TCF7L1: variants seen among roughly 807,000 people sequenced by gnomAD.
TCF7L1 encodes the protein transcription factor 7 like 1.
A neutral mutation model predicts 63.7 loss-of-function variants in TCF7L1; 18 were observed. That is an observed-to-expected ratio of 0.28 (90% CI 0.20 to 0.42). TCF7L1 has a LOEUF of 0.42. TCF7L1 is among the 10% of genes least tolerant of loss of function. The pLI is 1.00. For synonymous variants in TCF7L1, 355 were observed against 340.9 expected (o/e 1.04, Z -0.46); for missense variants, 654 against 779.3 (o/e 0.84, Z 1.91).
intron 3 of TCF7L1, among the ~76,000 whole-genome samples, chr2:85,188,383 G>A (rs897240664): frequency 3.9e-5 from 6 of 152,152 alleles, no homozygotes; most frequent in East Asian, 1.9e-4. Flanking sequence ...CGTTAACATC[G>A]GGGGAGGCTA....
intron 4 of TCF7L1, among the ~76,000 whole-genome samples, chr2:85,291,083 A>C (rs1362161036): frequency 6.6e-6 from 1 of 152,118 alleles, no homozygotes; most frequent in Non-Finnish European, 1.5e-5. Flanking sequence ...TTTAATCCAA[A>C]AGGGCAGTAT....
At chr2:85,279,148 A>G (rs768437256) in intron 3 of TCF7L1, among the ~76,000 whole-genome samples, 15 of 152,194 alleles carry the variant, frequency 9.9e-5, no homozygotes, top group Non-Finnish European at 1.6e-4. Flanking sequence ...CTGCCCACAT[A>G]CCATTACCAT....
At chr2:85,277,654 C>G (rs930128138) in intron 3 of TCF7L1, among the ~76,000 whole-genome samples, 3 of 152,206 alleles carry the variant, frequency 2.0e-5, no homozygotes, top group Admixed American at 6.5e-5. Flanking sequence ...GGGGCGCTTT[C>G]TCTGCCTACT....
intron 3 of TCF7L1, among the ~76,000 whole-genome samples, chr2:85,257,167 T>C (rs904990573): frequency 3.9e-5 from 6 of 152,098 alleles, no homozygotes; most frequent in Non-Finnish European, 1.5e-5. Context: ...TGAGCTCTGA[T>C]TGAGCCATTG....
intron 3 of TCF7L1, among the ~76,000 whole-genome samples, chr2:85,216,595 G>A (rs1371115159): frequency 6.6e-6 from 1 of 152,058 alleles, no homozygotes; most frequent in African/African-American, 2.4e-5. Context: ...GCTTCTAGAA[G>A]GCGTATGTTG....
At chr2:85,283,010 C>T (rs547788057) in intron 3 of TCF7L1, among the ~76,000 whole-genome samples, 61 of 152,180 alleles carry the variant, frequency 4.0e-4, no homozygotes, top group South Asian at 8.3e-4. Flanking sequence ...GGCTTTTATT[C>T]ATTCATTCCC....
chr2:85,299,059 T>C (rs1409166368), intron 4 of TCF7L1, among the ~76,000 whole-genome samples: 1 of 144,670 alleles, frequency 6.9e-6, no homozygotes, highest in Admixed American at 6.9e-5. Flanking sequence ...GCAAAAGTAA[T>C]TGTGGTTTTG....
chr2:85,151,493 T>C (rs1223189439), intron 3 of TCF7L1, among the ~76,000 whole-genome samples: 1 of 152,222 alleles, frequency 6.6e-6, no homozygotes, highest in East Asian at 1.9e-4. Context: ...TATCTCTCTG[T>C]GATGTCAGCA....
chr2:85,306,990 A>G lies in TCF7L1; in HGVS notation c.1257+431A>G, dbSNP rs1000912541. On this transcript the variant is annotated intron_variant, in intron 10 of 11. Coordinates refer to ENST00000282111, the MANE Select transcript of TCF7L1 (RefSeq NM_031283.3). The surrounding 1 kb of genome is among the most constrained non-coding windows in gnomAD (Gnocchi z 4.3). ...GCGACTGCATTTATAGAGGACTCTTAAGATCAGGGAGAAGCCCATACTTCT... is the reference window on the plus strand; with the variant it reads ...GCGACTGCATTTATAGAGGACTCTTGAGATCAGGGAGAAGCCCATACTTCT... 6.6e-6 allele frequency among the ~76,000 whole-genome samples: 1 copy of G among 152,190 alleles called. No homozygotes were observed. The highest frequency in any genetic ancestry group is 1.9e-4 in the East Asian group (1 of 5,192).
rs550996786 is a variant in TCF7L1, at chr2:85,294,277, G to A, written c.526-8207G>A. Among the ~76,000 whole-genome samples the A allele has an allele frequency of 3.3e-3, 502 of 150,132 alleles. 2 individuals are homozygous for A. Among genetic ancestry groups the A allele is most frequent in the African/African-American group, 0.012 (480 of 41,298 alleles). ...AGTCTCGATCTCCTGACCTTGTGAC[G>A]TGCCCGCCTCGGCCTCCCAAAGTGC... On this transcript the variant is annotated intron_variant, in intron 4 of 11. Coordinates refer to ENST00000282111, the MANE Select transcript of TCF7L1 (RefSeq NM_031283.3).
chr2:85,139,043 C>G (rs781764725), intron 3 of TCF7L1, among the ~76,000 whole-genome samples: 3 of 151,558 alleles, frequency 2.0e-5, no homozygotes, highest in Non-Finnish European at 4.4e-5. Flanking sequence ...GGGTCTCACT[C>G]TGTCGCCCAG....
At chr2:85,305,488 ACTCTT>A in intron 8 of TCF7L1, 85 bp downstream of exon 8, 1 of 1,466,900 alleles carries the variant, frequency 6.8e-7, no homozygotes, top group Non-Finnish European at 9.1e-7. Context: ...AATGTCATGT[ACTCTT>A]CTCTCTTGGT....
chr2:85,261,824 T>A (rs533056338), intron 3 of TCF7L1, among the ~76,000 whole-genome samples: 2 of 151,958 alleles, frequency 1.3e-5, no homozygotes, highest in Admixed American at 1.3e-4. Context: ...GAGGCCACAG[T>A]GAGCCATGTT....
rs1177723105 is a variant in TCF7L1, at chr2:85,303,976, C to T, written c.740C>T (p.Pro247Leu). 1.2e-6 allele frequency: 2 copies of T among 1,611,344 alleles called. No individual in the cohort carries two copies. The highest frequency in any genetic ancestry group is 2.2e-5 in the East Asian group (1 of 44,678). ...SPGAVGQIPH[P>L]LGWLVPQQGQ... ...GGAGCTGTCGGACAAATCCCCCACC[C>T]CCTCGGCTGGCTCGTCCCACAGTAA... is the stretch of plus-strand genomic sequence containing the variant. The change falls in exon 6 of 12, where the codon CCC becomes CTC. Residue 247 changes from proline to leucine, a missense_variant. Pro to Leu is a moderately conservative substitution (Grantham distance 98). This residue lies in a region of TCF7L1 where 404 missense variants were observed against 454.8 expected (regional missense o/e 0.89). Coordinates refer to ENST00000282111, the MANE Select transcript of TCF7L1 (RefSeq NM_031283.3).
intron 3 of TCF7L1, among the ~76,000 whole-genome samples, chr2:85,173,491 T>A (rs2104239586): frequency 6.6e-6 from 1 of 152,328 alleles, no homozygotes; most frequent in East Asian, 1.9e-4. Flanking sequence ...ACAGGGTACC[T>A]ATTGATTGAA....
chr2:85,182,547 G>C (rs1267244301), intron 3 of TCF7L1, among the ~76,000 whole-genome samples: 1 of 152,142 alleles, frequency 6.6e-6, no homozygotes, highest in South Asian at 2.1e-4. Context: ...AGATAACCCT[G>C]GTTCTCTGCA....
intron 3 of TCF7L1, among the ~76,000 whole-genome samples, chr2:85,141,525 C>G (rs1677737475): frequency 6.6e-6 from 1 of 152,166 alleles, no homozygotes; most frequent in African/African-American, 2.4e-5. Context: ...TCAGTACCAC[C>G]ACGGGGAACC....
rs1682215471 is a variant in TCF7L1 at position 85,309,234 on chromosome 2, CCA to C, written c.1540_1541del (p.Gln514AlafsTer12). 1 of 1,614,018 alleles carries C rather than the reference CCA, an allele frequency of 6.2e-7. No homozygotes were observed. Among genetic ancestry groups the C allele is most frequent in the South Asian group, 1.1e-5 (1 of 91,096 alleles). On this transcript the variant is annotated frameshift_variant, in exon 12 of 12. Transcript: ENST00000282111. LOFTEE classifies it high-confidence loss of function. Reference sequence around the variant, plus strand: ...TCACCACCAAACCAGAAACCCGGGCCCAGCTGGCTCTCCACTCTGCCGCCTTC... The same window carrying C: ...TCACCACCAAACCAGAAACCCGGGCCGCTGGCTCTCCACTCTGCCGCCTTC... ...SLTTKPETRAQLALHSAAFLS... is the reference protein window; with the variant it reads ...SLTTKPETRAXLALHSAAFLS...
At chr2:85,180,710 T>C (rs945652349) in intron 3 of TCF7L1, among the ~76,000 whole-genome samples, 1 of 152,180 alleles carries the variant, frequency 6.6e-6, no homozygotes, top group African/African-American at 2.4e-5. Flanking sequence ...CTGGAGTGTT[T>C]CCTGTGCACC....
Sources: gnomAD v4.1 joint callset for allele counts (sites outside exome capture counted in the v4.1 genomes callset) on GRCh38, gnomAD v4.1.1 for gene constraint, gnomAD v4.1.1 regional missense constraint, Gnocchi (gnomAD v3.1) non-coding constraint, MANE v1.5 for transcripts, NCBI Gene and HGNC (gene_info 2026-07-23, HGNC 2026-07-21) for gene names.